The following RAPGEF4 variants were observed in gnomAD, a reference collection of about 807,000 sequenced individuals.
RAPGEF4 encodes Rap guanine nucleotide exchange factor 4, also known as RAP guanine-nucleotide-exchange factor (GEF) 4.
RAPGEF4 carries 66 observed loss-of-function variants against 147.9 expected under a neutral mutation model. The ratio of observed to expected loss-of-function variants is 0.45; its 90% CI spans 0.37 to 0.55. RAPGEF4 has a LOEUF of 0.55. Ranked by LOEUF, RAPGEF4 falls within the 20% of genes least tolerant of loss-of-function variation. The pLI is 0.00. For missense variants in RAPGEF4, 1,071 were observed against 1,257.3 expected (o/e 0.85, Z 2.24); for synonymous variants, 419 against 442.7 (o/e 0.95, Z 0.67).
chr2:172,967,037 C>T (rs1239606151), intron 9 of RAPGEF4: 4 of 429,362 alleles, frequency 9.3e-6, no homozygotes, highest in East Asian at 7.6e-5. Flanking sequence ...CCACAGAGGC[C>T]GAGGAGATGG....
intron 1 of RAPGEF4, among the ~76,000 whole-genome samples, chr2:172,739,525 C>T (rs1694120950): frequency 6.6e-6 from 1 of 152,022 alleles, no homozygotes; most frequent in Non-Finnish European, 1.5e-5. Flanking sequence ...GCACACACCA[C>T]CATGCCTGCC....
intron 15 of RAPGEF4, among the ~76,000 whole-genome samples, chr2:172,993,469 T>C: frequency 6.6e-6 from 1 of 152,266 alleles, no homozygotes; most frequent in East Asian, 1.9e-4. Context: ...TGTAGTGTCC[T>C]CATTTGCAGA....
intron 10 of RAPGEF4, among the ~76,000 whole-genome samples, chr2:172,975,712 T>A (rs990107732): frequency 3.3e-5 from 5 of 152,222 alleles, no homozygotes; most frequent in African/African-American, 9.7e-5. Flanking sequence ...AATGCATTCA[T>A]GTAGCACCTT....
chr2:173,022,407 C>T (rs544226789), intron 23 of RAPGEF4, among the ~76,000 whole-genome samples: 7 of 152,362 alleles, frequency 4.6e-5, no homozygotes, highest in South Asian at 2.1e-4. Flanking sequence ...TCCCTATCAG[C>T]GCTCTGCCAT....
At chr2:172,967,228 T>C (rs1231766296) in intron 9 of RAPGEF4, 33 bp from the exon 10 acceptor site, 1 of 1,594,484 alleles carries the variant, frequency 6.3e-7, no homozygotes, top group South Asian at 1.1e-5. Flanking sequence ...GCCGAGGTGC[T>C]GCAGCTGACA....
chr2:172,842,009 C>A (rs1009958061), intron 4 of RAPGEF4, among the ~76,000 whole-genome samples: 1 of 151,984 alleles, frequency 6.6e-6, no homozygotes, highest in Non-Finnish European at 1.5e-5. Context: ...AGTGTGTATC[C>A]TTTATTCAGG....
Position 172,946,731 on chromosome 2 carries a change from T to C in RAPGEF4, c.538-14029T>C, listed in dbSNP as rs190102169. The stretch of plus-strand genomic sequence containing the variant: ...TTCCCTTCTTCCCCCAACACAAACC[T>C]TCTGACTCTATAAAATACTTGTGTA... On this transcript the variant is annotated intron_variant, in intron 6 of 30. Transcript: ENST00000397081. 1.5e-3 allele frequency among the ~76,000 whole-genome samples: 234 copies of C among 152,254 alleles called. 3 individuals are homozygous for C. The highest frequency in any genetic ancestry group is 8.3e-4 in the South Asian group (4 of 4,830).
At chr2:172,756,631 T>C (rs1039699215) in intron 1 of RAPGEF4, among the ~76,000 whole-genome samples, 2 of 152,194 alleles carry the variant, frequency 1.3e-5, no homozygotes, top group African/African-American at 4.8e-5. Context: ...ATAGAAGAAG[T>C]AGGACAGACA....
In RAPGEF4 at chr2:172,786,981, G is replaced by A. The variant is rs530930500; in HGVS notation, c.66-8044G>A. 3.1e-4 allele frequency among the ~76,000 whole-genome samples: 47 copies of A among 152,210 alleles called. 1 individual carries two copies. Among genetic ancestry groups the A allele is most frequent in the Non-Finnish European group, 5.1e-4 (35 of 68,016 alleles). Reference sequence around the variant, plus strand: ...TTCTAGCACTTTGGGAGGCCAAGGCGGGTGGATCACCTGAGGTCAGGAGTT... The same window carrying A: ...TTCTAGCACTTTGGGAGGCCAAGGCAGGTGGATCACCTGAGGTCAGGAGTT... On this transcript the variant is annotated intron_variant, in intron 1 of 30. Coordinates refer to ENST00000397081, the MANE Select transcript of RAPGEF4 (RefSeq NM_007023.4).
rs140727379 is a variant in RAPGEF4 at position 172,897,635 on chromosome 2, C to A, written c.445-20167C>A. 9.9e-5 allele frequency among the ~76,000 whole-genome samples: 15 copies of A among 152,070 alleles called. 1 individual carries two copies. The highest frequency in any genetic ancestry group is 3.1e-4 in the African/African-American group (13 of 41,496). On this transcript the variant is annotated intron_variant, in intron 4 of 30. Coordinates refer to ENST00000397081, the MANE Select transcript of RAPGEF4 (RefSeq NM_007023.4). ...CAGGCTATTCTCGAACTCCTGGCCT[C>A]AAAGGATCCTCTCACCTCAGCCTCC...
rs1697096376 is a variant in RAPGEF4, at chr2:172,768,879, T to C, written c.66-26146T>C. 2.6e-5 allele frequency among the ~76,000 whole-genome samples: 4 copies of C among 152,246 alleles called. No homozygotes were observed. In the South Asian group the frequency reaches 6.2e-4, roughly 24 times the overall value. ...ATCTCAAACTATTTCAGTAAAATTG[T>C]TGCTTCAGGTAGATGTTTCCTCTGC... On this transcript the variant is annotated intron_variant, in intron 1 of 30. Coordinates refer to ENST00000397081, the MANE Select transcript of RAPGEF4 (RefSeq NM_007023.4).
intron 4 of RAPGEF4, among the ~76,000 whole-genome samples, chr2:172,900,973 A>G (rs1699003565): frequency 6.6e-6 from 1 of 151,862 alleles, no homozygotes; most frequent in Non-Finnish European, 1.5e-5. Flanking sequence ...TTTTTTTTCA[A>G]ATATATTACA....
At chr2:172,759,772 G>T (rs2149462723) in intron 1 of RAPGEF4, among the ~76,000 whole-genome samples, 1 of 152,302 alleles carries the variant, frequency 6.6e-6, no homozygotes, top group Non-Finnish European at 1.5e-5. Context: ...AAGCAAAACT[G>T]CTGCCAAAAA....
intron 1 of RAPGEF4, among the ~76,000 whole-genome samples, chr2:172,747,803 T>C (rs1195097087): frequency 6.6e-6 from 1 of 152,218 alleles, no homozygotes; most frequent in Non-Finnish European, 1.5e-5. Flanking sequence ...TTTGTACCCC[T>C]TGACCAATAT....
At chr2:172,857,387 T>A (rs907553099) in intron 4 of RAPGEF4, among the ~76,000 whole-genome samples, 1 of 152,174 alleles carries the variant, frequency 6.6e-6, no homozygotes, top group African/African-American at 2.4e-5. Context: ...TGGTGTCAAT[T>A]CCTTATGCAC....
rs144981189 is a variant in RAPGEF4 at position 173,001,482 on chromosome 2, G to A, written c.1658+138G>A. On this transcript the variant is annotated intron_variant, in intron 17 of 30. Transcript: ENST00000397081. ...CATTCCACCCTCATCACACTGAAATGTGTTTTCCCACATTTCCCACAGTTT... is the reference window on the plus strand; with the variant it reads ...CATTCCACCCTCATCACACTGAAATATGTTTTCCCACATTTCCCACAGTTT... 372 of 1,065,690 alleles carry A rather than the reference G, an allele frequency of 3.5e-4. 2 individuals carry two copies. The African/African-American group carries it at 5.4e-3, about 16-fold the overall frequency. The allele number at this position is 1,065,690 out of a possible 1,614,324, so 66.0% of individuals were successfully genotyped here. A position where few individuals can be genotyped will look rare whatever the true frequency, so the allele number is the denominator to read the frequency against.
At chr2:172,774,914 GT>G (rs2149495747) in intron 1 of RAPGEF4, among the ~76,000 whole-genome samples, 1 of 152,320 alleles carries the variant, frequency 6.6e-6, no homozygotes, top group East Asian at 1.9e-4. Flanking sequence ...TTCTGATGCT[GT>G]TTATCTCTGC....
chr2:172,946,883 A>G (rs1244830524), intron 6 of RAPGEF4, among the ~76,000 whole-genome samples: 5 of 152,240 alleles, frequency 3.3e-5, no homozygotes, highest in Admixed American at 1.3e-4. Context: ...CTGACAGGTG[A>G]CAAGTGGGTA....
intron 9 of RAPGEF4, 187 bp from the exon 10 acceptor site, chr2:172,967,074 A>G (rs1689918669): frequency 1.7e-6 from 1 of 587,802 alleles, no homozygotes; most frequent in South Asian, 2.2e-5. Flanking sequence ...TGTGGTGTGC[A>G]TGACTGCAGC....
Sources: allele counts gnomAD v4.1 joint callset (sites outside exome capture counted in the v4.1 genomes callset), GRCh38; gene constraint gnomAD v4.1.1; transcripts MANE v1.5; gene names NCBI Gene and HGNC (gene_info 2026-07-23, HGNC 2026-07-21).